The following NUP93 variants were observed in gnomAD, a reference collection of about 807,000 sequenced individuals.
NUP93 encodes the protein nuclear pore complex protein Nup93.
NUP93 carries 55 observed loss-of-function variants against 107.8 expected under a neutral mutation model. That is an observed-to-expected ratio of 0.51 (90% CI 0.41 to 0.64). NUP93 has a LOEUF of 0.64. NUP93 is among the 30% of genes least tolerant of loss of function. NUP93 has a pLI of 0.00. For missense variants in NUP93, 937 were observed against 1,044.7 expected, an observed-to-expected ratio of 0.90 and a Z score of 1.42; for synonymous variants, 390 against 397.5, an observed-to-expected ratio of 0.98 and a Z score of 0.22.
chr16:56,802,263 AT>A (rs1349515824), intron 4 of NUP93, among the ~76,000 whole-genome samples: 1 of 152,174 alleles, frequency 6.6e-6, no homozygotes, highest in Non-Finnish European at 1.5e-5. Context: ...ACACTTGTCC[AT>A]TCTTTCTGGA....
rs200704837 is a variant in NUP93, at chr16:56,832,737, CCTTT to C, written c.1345+353_1345+356del. 7.7e-3 allele frequency among the ~76,000 whole-genome samples: 1,166 copies of C among 152,280 alleles called. 16 individuals carry two copies. The highest frequency in any genetic ancestry group is 0.027 in the African/African-American group (1,103 of 41,568). The stretch of plus-strand genomic sequence containing the variant: ...CTGAGCACAAAGGAGAGAGAAACAG[CCTTT>C]CTTCTTTTTTCCCGTATTTTTTAAA... On this transcript the variant is annotated intron_variant, in intron 12 of 21. Coordinates refer to ENST00000308159, the MANE Select transcript of NUP93 (RefSeq NM_014669.5).
chr16:56,814,416 C>G (rs1246084145), intron 5 of NUP93, among the ~76,000 whole-genome samples: 10 of 152,164 alleles, frequency 6.6e-5, no homozygotes, highest in Admixed American at 6.5e-4. Flanking sequence ...TCTTGAACTC[C>G]TGGACTCAAG....
chr16:56,821,639 C>T (rs537897245), intron 7 of NUP93, 46 bp downstream of exon 7: 18 of 1,243,358 alleles, frequency 1.4e-5, no homozygotes, highest in African/African-American at 8.6e-5. Flanking sequence ...TCCAGTGTTC[C>T]GATGGGCCTA....
chr16:56,733,759 T>G (rs1961570169), intron 1 of NUP93, among the ~76,000 whole-genome samples: 1 of 152,182 alleles, frequency 6.6e-6, no homozygotes, highest in South Asian at 2.1e-4. Flanking sequence ...GCTCACTTAT[T>G]TGCCTTGTAT....
rs1413095743 is a variant in NUP93, at chr16:56,846,888, T to C, written c.*2279T>C. On this transcript the variant is annotated 3_prime_UTR_variant, in exon 22 of 22. Transcript: ENST00000308159. ...CCTCTTCTTCACTATCCCATGAGAATCGTGGATTTGCCTTTCCTTGCATCC... is the reference window on the plus strand; with the variant it reads ...CCTCTTCTTCACTATCCCATGAGAACCGTGGATTTGCCTTTCCTTGCATCC... 1 of 152,248 alleles carries C rather than the reference T, an allele frequency of 6.6e-6. No individual in the cohort carries two copies. The allele number at this position is 152,248 out of a possible 1,614,324, so 9.4% of individuals were successfully genotyped here.
At chr16:56,822,554 C>G (rs1367385290) in intron 7 of NUP93, among the ~76,000 whole-genome samples, 1 of 46,794 alleles carries the variant, frequency 2.1e-5, no homozygotes, top group African/African-American at 9.8e-5. Flanking sequence ...TTCTTTCTTT[C>G]TTTTCTTTTC....
intron 21 of NUP93, among the ~76,000 whole-genome samples, chr16:56,842,194 T>C (rs1379824183): frequency 6.6e-6 from 1 of 152,250 alleles, no homozygotes; most frequent in Non-Finnish European, 1.5e-5. Flanking sequence ...ATACTTTATT[T>C]TTGATCAACA....
chr16:56,756,145 A>T (rs1192113729), intron 2 of NUP93, among the ~76,000 whole-genome samples: 1 of 151,860 alleles, frequency 6.6e-6, no homozygotes, highest in Non-Finnish European at 1.5e-5. Flanking sequence ...AAAATATTTT[A>T]CTTTAAGTTC....
At chr16:56,832,695 C>T (rs746827832) in intron 12 of NUP93, among the ~76,000 whole-genome samples, 7 of 152,174 alleles carry the variant, frequency 4.6e-5, no homozygotes, top group Non-Finnish European at 7.4e-5. Flanking sequence ...CCTAGTCGAT[C>T]GTACCAGTCA....
chr16:56,798,636 T>A, intron 4 of NUP93, 98 bp downstream of exon 4: 1 of 958,754 alleles, frequency 1.0e-6, no homozygotes, highest in Non-Finnish European at 1.7e-6. Flanking sequence ...GGGAGGCTGA[T>A]GCAGGAAGTT....
intron 5 of NUP93, among the ~76,000 whole-genome samples, chr16:56,808,026 A>AAT (rs1963182565): frequency 6.9e-6 from 1 of 144,884 alleles, no homozygotes; most frequent in African/African-American, 2.5e-5. Context: ...CGTCTCAAAA[A>AAT]ATATATATAA....
At chr16:56,805,916 A>G (rs2144574154) in intron 5 of NUP93, among the ~76,000 whole-genome samples, 1 of 151,908 alleles carries the variant, frequency 6.6e-6, no homozygotes, top group South Asian at 2.1e-4. Context: ...CTCAATCGCT[A>G]TCCTGTGATT....
intron 1 of NUP93, among the ~76,000 whole-genome samples, chr16:56,743,157 A>G (rs538989956): frequency 6.6e-6 from 1 of 152,316 alleles, no homozygotes; most frequent in South Asian, 2.1e-4. Context: ...TGTGGAAATG[A>G]TTTTATTTTT....
chr16:56,748,440 G>T lies in NUP93; in HGVS notation c.179+14G>T. 6.2e-7 allele frequency: 1 copy of T among 1,604,878 alleles called. No homozygotes were observed. Among genetic ancestry groups the T allele is most frequent in the South Asian group, 1.1e-5 (1 of 90,572 alleles). ...AGATGTCAAGGCGTGAGTACTGGTA[G>T]GGAGACAGCATTAGTACTGGGTGGC... On this transcript the variant is annotated intron_variant, in intron 2 of 21. Coordinates refer to ENST00000308159, the MANE Select transcript of NUP93 (RefSeq NM_014669.5).
intron 17 of NUP93, among the ~76,000 whole-genome samples, chr16:56,836,927 A>G (rs556105731): frequency 2.0e-5 from 3 of 152,374 alleles, no homozygotes; most frequent in African/African-American, 7.2e-5. Context: ...ACCAAACAAC[A>G]TATTGAAAGG....
chr16:56,843,141 C>T (rs1387614315), intron 21 of NUP93, among the ~76,000 whole-genome samples: 2 of 152,246 alleles, frequency 1.3e-5, no homozygotes, highest in East Asian at 3.8e-4. Flanking sequence ...TCCAGGTGTG[C>T]ACCAGAGCAT....
In NUP93 at chr16:56,758,530, TCA is replaced by T; in HGVS notation, c.180-5_180-4del. The stretch of plus-strand genomic sequence containing the variant: ...ACTTATATCTCCCTATTCTATATCC[TCA>T]CATAGGTCAGTTCTCCTCGGGTCTC... On this transcript the variant is annotated splice_polypyrimidine_tract_variant and splice_region_variant and intron_variant, in intron 2 of 21. Coordinates refer to ENST00000308159, the MANE Select transcript of NUP93 (RefSeq NM_014669.5). 1 of 1,605,820 alleles carries T rather than the reference TCA, an allele frequency of 6.2e-7. No homozygotes were observed. Among genetic ancestry groups the T allele is most frequent in the South Asian group, 1.1e-5 (1 of 90,908 alleles).
rs770597885 is a variant in NUP93 at position 56,758,608 on chromosome 16, G to A, written c.250G>A (p.Ala84Thr). The A allele has an allele frequency of 3.1e-6, 5 of 1,613,926 alleles. No individual in the cohort carries two copies. The South Asian group carries it at 5.5e-5, about 18-fold the overall frequency. Residue 84 changes from alanine to threonine, a missense_variant, in exon 3 of 22, where the codon GCC becomes ACC. Physicochemically the swap from Ala to Thr is moderately conservative, Grantham distance 58. Coordinates refer to ENST00000308159, the MANE Select transcript of NUP93 (RefSeq NM_014669.5). ...ISQRLESLSA[A>T]TTFEPLEPVK... Reference sequence around the variant, plus strand: ...CCAGCGATTGGAGAGTCTGAGTGCAGCCACCACCTTTGAGCCTCTTGAGCC... The same window carrying A: ...CCAGCGATTGGAGAGTCTGAGTGCAACCACCACCTTTGAGCCTCTTGAGCC...
intron 3 of NUP93, 51 bp from the exon 4 acceptor site, chr16:56,798,425 T>C (rs1962945834): frequency 6.6e-7 from 1 of 1,508,784 alleles, no homozygotes. Flanking sequence ...AGTATACTTT[T>C]GATTTTTTGA....
Sources: gnomAD v4.1 joint callset for allele counts (sites outside exome capture counted in the v4.1 genomes callset) on GRCh38, gnomAD v4.1.1 for gene constraint, MANE v1.5 for transcripts, NCBI Gene and HGNC (gene_info 2026-07-23, HGNC 2026-07-21) for gene names.